GSK3B: variants seen among roughly 807,000 people sequenced by gnomAD.
GSK3B encodes glycogen synthase kinase-3 beta.
In GSK3B, 15 loss-of-function variants were observed where a neutral mutation model predicts 56.4. The observed-to-expected ratio is 0.27, with a 90% CI of 0.18 to 0.41. GSK3B has a LOEUF of 0.41. Among genes scored for constraint, GSK3B ranks in the 10% least tolerant of loss-of-function variants. GSK3B has a pLI of 1.00. For missense variants in GSK3B, 300 were observed against 513.4 expected (o/e 0.58, Z 4.02); for synonymous variants, 181 against 188.9 (o/e 0.96, Z 0.34).
intron 7 of GSK3B, among the ~76,000 whole-genome samples, chr3:119,890,125 A>G (rs1335800450): frequency 6.6e-6 from 1 of 152,116 alleles, no homozygotes; most frequent in African/African-American, 2.4e-5. Context: ...CAGCAATTTC[A>G]GCCCTACTTT....
intron 2 of GSK3B, among the ~76,000 whole-genome samples, chr3:119,948,455 C>A (rs1003122686): frequency 6.6e-6 from 1 of 152,102 alleles, no homozygotes; most frequent in Admixed American, 6.5e-5. Flanking sequence ...ATTTAAAATC[C>A]TTTTATAAGA....
intron 1 of GSK3B, among the ~76,000 whole-genome samples, chr3:120,034,499 A>G (rs1364258118): frequency 6.6e-6 from 1 of 152,144 alleles, no homozygotes; most frequent in African/African-American, 2.4e-5. Context: ...TCACCATTTA[A>G]TTATCTTGGT....
At chr3:119,941,232 G>T (rs1009300289) in intron 3 of GSK3B, among the ~76,000 whole-genome samples, 5 of 151,964 alleles carry the variant, frequency 3.3e-5, no homozygotes, top group African/African-American at 1.2e-4. Flanking sequence ...AGCCAGGCTG[G>T]TCTCAAATTC....
chr3:119,899,389 T>C (rs1285246487), intron 7 of GSK3B, among the ~76,000 whole-genome samples: 1 of 152,220 alleles, frequency 6.6e-6, no homozygotes, highest in East Asian at 1.9e-4. Flanking sequence ...GTAATAGTAG[T>C]AGTAGTGATG....
At position 119,843,301 on chromosome 3, in the gene GSK3B, C is replaced by T; in HGVS notation, c.1149G>A (p.Arg383=). 1 of 1,611,118 alleles carries T rather than the reference C, an allele frequency of 6.2e-7. No individual in the cohort carries two copies. Among genetic ancestry groups the T allele is most frequent in the Non-Finnish European group, 8.5e-7 (1 of 1,177,888 alleles). ...LATILIPPHA[R]IQAAASTPTN... is the part of the protein sequence containing the mutation. The stretch of plus-strand genomic sequence containing the variant: ...TGGGGGTTGAAGCAGCTGCTTGAAT[C>T]CGAGCATGAGGAGGAATAAGGATGG... Residue 383 remains arginine (R), a synonymous_variant, in exon 10 of 11, where the codon CGG becomes CGA. Transcript: ENST00000264235.
chr3:119,895,811 T>C (rs1269922193), intron 7 of GSK3B, among the ~76,000 whole-genome samples: 1 of 152,050 alleles, frequency 6.6e-6, no homozygotes, highest in Non-Finnish European at 1.5e-5. Context: ...ATTACTGCAG[T>C]TGTGTAGTAA....
chr3:120,006,684 A>G (rs2057731459), intron 1 of GSK3B, among the ~76,000 whole-genome samples: 1 of 152,216 alleles, frequency 6.6e-6, no homozygotes, highest in Non-Finnish European at 1.5e-5. Flanking sequence ...TAACGAAATT[A>G]AGACAGAAAG....
rs571323857 is a variant in GSK3B, at chr3:119,905,458, T to C, written c.813+297A>G. 2.0e-5 allele frequency among the ~76,000 whole-genome samples: 3 copies of C among 152,208 alleles called. No individual in the cohort carries two copies. In the South Asian group the frequency reaches 6.2e-4, roughly 31 times the overall value. ...TGCTTTTATTCAGCTTACATACATT[T>C]TAGTGAGCTTATAGTCTAATTTTGC... is the stretch of plus-strand genomic sequence containing the variant. On this transcript the variant is annotated intron_variant, in intron 7 of 10. Transcript: ENST00000264235.
intron 7 of GSK3B, among the ~76,000 whole-genome samples, chr3:119,883,116 A>G (rs907334112): frequency 1.3e-5 from 2 of 152,166 alleles, no homozygotes; most frequent in Admixed American, 1.3e-4. Flanking sequence ...AGATCCTAAC[A>G]TTACAGTATG....
intron 1 of GSK3B, among the ~76,000 whole-genome samples, chr3:120,087,295 G>T (rs961168250): frequency 1.3e-5 from 2 of 152,200 alleles, no homozygotes; most frequent in African/African-American, 4.8e-5. Context: ...CACTTTGGGA[G>T]GCCGAGGTGG....
At position 119,919,259 on chromosome 3, in the gene GSK3B, A is replaced by C. The variant is rs147484936; in HGVS notation, c.478-3085T>G. ...CATTCTGGTAACATGTATGCCAAAC[A>C]AGTCCTTATCAGATGATGAGGTTCA... On this transcript the variant is annotated intron_variant, in intron 4 of 10. Coordinates refer to ENST00000264235, the MANE Select transcript of GSK3B (RefSeq NM_001146156.2). 3.5e-3 allele frequency among the ~76,000 whole-genome samples: 528 copies of C among 152,268 alleles called. 4 individuals are homozygous for C. The highest frequency in any genetic ancestry group is 0.012 in the African/African-American group (517 of 41,560).
chr3:119,872,060 C>T (rs932273244), intron 8 of GSK3B, among the ~76,000 whole-genome samples: 11 of 152,108 alleles, frequency 7.2e-5, no homozygotes, highest in Admixed American at 2.6e-4. Context: ...GTAGCAGGAT[C>T]AGGCACTCGA....
chr3:120,019,705 A>G (rs1258503549), intron 1 of GSK3B, among the ~76,000 whole-genome samples: 2 of 152,214 alleles, frequency 1.3e-5, no homozygotes, highest in Non-Finnish European at 2.9e-5. Context: ...CCTATAAAGT[A>G]CCTGAAAGGA....
chr3:119,982,720 A>T (rs1559863262), intron 2 of GSK3B, among the ~76,000 whole-genome samples: 1 of 152,228 alleles, frequency 6.6e-6, no homozygotes, highest in Non-Finnish European at 1.5e-5. Flanking sequence ...TGAAAAGACC[A>T]AATCTACGTT....
chr3:120,032,942 G>C (rs1324833519), intron 1 of GSK3B, among the ~76,000 whole-genome samples: 1 of 152,140 alleles, frequency 6.6e-6, no homozygotes, highest in African/African-American at 2.4e-5. Context: ...TCACAGGCTT[G>C]TGCAACCATC....
At chr3:120,051,127 CTT>C (rs72305100) in intron 1 of GSK3B, among the ~76,000 whole-genome samples, 182 of 138,552 alleles carry the variant, frequency 1.3e-3, no homozygotes, top group Middle Eastern at 3.6e-3. Context: ...CTATCAATTT[CTT>C]TTTTTTTTTT....
At chr3:120,084,608 C>T (rs2058448205) in intron 1 of GSK3B, 1 of 152,238 alleles carries the variant, frequency 6.6e-6, no homozygotes, top group Non-Finnish European at 1.5e-5. Context: ...TTCATTGACA[C>T]TGACGCACTC....
At chr3:120,011,963 T>C (rs1199079655) in intron 1 of GSK3B, among the ~76,000 whole-genome samples, 1 of 152,200 alleles carries the variant, frequency 6.6e-6, no homozygotes, top group African/African-American at 2.4e-5. Flanking sequence ...TAACTTCATA[T>C]TCTTTTCTCC....
chr3:119,904,697 G>A (rs2056664458), intron 7 of GSK3B, among the ~76,000 whole-genome samples: 1 of 152,104 alleles, frequency 6.6e-6, no homozygotes, highest in Non-Finnish European at 1.5e-5. Context: ...GTCCAATACA[G>A]AATAAGCTGC....
Sources: gnomAD v4.1 joint callset for allele counts (sites outside exome capture counted in the v4.1 genomes callset) on GRCh38, gnomAD v4.1.1 for gene constraint, MANE v1.5 for transcripts, NCBI Gene and HGNC (gene_info 2026-07-23, HGNC 2026-07-21) for gene names.